The following BLM variants were observed in gnomAD, a reference collection of about 807,000 sequenced individuals.
BLM encodes BLM RecQ like helicase, also known as recQ-like DNA helicase BLM.
Under a neutral mutation model 135.3 loss-of-function variants are expected in BLM, and 95 were observed. The ratio of observed to expected loss-of-function variants is 0.70; its 90% confidence interval spans 0.59 to 0.83. The LOEUF (loss-of-function observed/expected upper bound fraction) is 0.83. Among genes scored for constraint, BLM ranks in the 40% least tolerant of loss-of-function variants. The pLI, the probability that BLM is intolerant of heterozygous loss-of-function variation, is 0.00. For missense variants in BLM, 1,518 were observed against 1,663.9 expected (o/e 0.91, Z 1.53); for synonymous variants, 520 against 589.2 (o/e 0.88, Z 1.70).
At chr15:90,789,654 A>G (rs1280375288) in intron 14 of BLM, among the ~76,000 whole-genome samples, 1 of 152,096 alleles carries the variant, frequency 6.6e-6, no homozygotes, top group Non-Finnish European at 1.5e-5. Context: ...TACTGTCCAC[A>G]TACTCCAGAG....
At position 90,735,762 on chromosome 15, in the gene BLM, G is replaced by A. The variant is rs546902997; in HGVS notation, c.-4-11627G>A. Among the ~76,000 whole-genome samples the A allele has an allele frequency of 6.6e-5, 10 of 152,038 alleles. No homozygotes were observed. The South Asian group carries it at 1.7e-3, about 25-fold the overall frequency. The stretch of plus-strand genomic sequence containing the variant: ...TTTTCTGTAACCTGGATGTGGAGAA[G>A]GGCAATAAAAGAGGGGGAAAAATTG... On this transcript the variant is annotated intron_variant, in intron 1 of 21. Transcript: ENST00000355112.
chr15:90,796,111 A>T (rs1345876738), intron 16 of BLM, among the ~76,000 whole-genome samples: 1 of 152,222 alleles, frequency 6.6e-6, no homozygotes, highest in Non-Finnish European at 1.5e-5. Flanking sequence ...TGAGGGCTAG[A>T]GTCCCAGAGT....
chr15:90,785,054 G>A lies in BLM; in HGVS notation c.2796G>A (p.Gln932=), dbSNP rs55691621. The change falls in exon 14 of 22, where the codon CAG becomes CAA. Residue 932 remains glutamine, a synonymous_variant. Coordinates refer to ENST00000355112, the MANE Select transcript of BLM (RefSeq NM_000057.4). ...LSDSARDEVQ[Q]KWINQDGCQV... ...ATTCTGCCAGAGATGAAGTGCAGCA[G>A]AAGTGGATTAATCAGGATGGCTGTC... is the stretch of plus-strand genomic sequence containing the variant. 6.2e-7 allele frequency: 1 copy of A among 1,614,158 alleles called. No homozygotes were observed.
At chr15:90,770,888 T>C (rs1896295013) in intron 12 of BLM, among the ~76,000 whole-genome samples, 1 of 152,236 alleles carries the variant, frequency 6.6e-6, no homozygotes, top group Non-Finnish European at 1.5e-5. Context: ...CTTTTGCAGG[T>C]TAAACTGGCA....
chr15:90,734,700 GAGAGA>G lies in BLM; in HGVS notation c.-4-12688_-4-12684del, dbSNP rs1318813923. ...GCACACACACACACACACACGCAGA[GAGAGA>G]GAGAGAGAGAGAGAGAGAGAGAGAG... On this transcript the variant is annotated intron_variant, in intron 1 of 21. Coordinates refer to ENST00000355112, the MANE Select transcript of BLM (RefSeq NM_000057.4). 6.7e-4 allele frequency among the ~76,000 whole-genome samples: 38 copies of G among 56,884 alleles called. 1 individual carries two copies. In the African/African-American group the frequency reaches 6.7e-3, roughly 10 times the overall value. 37.3% of individuals were successfully genotyped at this position (56,884 alleles called of 152,430 possible).
At chr15:90,784,122 AT>A (rs985896511) in intron 13 of BLM, among the ~76,000 whole-genome samples, 2 of 151,940 alleles carry the variant, frequency 1.3e-5, no homozygotes, top group African/African-American at 4.8e-5. Flanking sequence ...AGTATATTTT[AT>A]TTCACAGTTC....
chr15:90,791,901 A>C (rs1896913889), intron 15 of BLM, among the ~76,000 whole-genome samples: 1 of 152,036 alleles, frequency 6.6e-6, no homozygotes. Flanking sequence ...CAGCCTCCCA[A>C]AGTGTTGGGA....
chr15:90,800,253 T>G (rs28533613), intron 17 of BLM, among the ~76,000 whole-genome samples: 9 of 152,194 alleles, frequency 5.9e-5, no homozygotes, highest in African/African-American at 2.2e-4. Flanking sequence ...TCAGCAATCC[T>G]GGAGACTAGC....
intron 12 of BLM, among the ~76,000 whole-genome samples, chr15:90,775,855 TTTTGTTTG>T (rs144657227): frequency 6.6e-6 from 1 of 151,946 alleles, no homozygotes; most frequent in Non-Finnish European, 1.5e-5. Flanking sequence ...GAGATAGGCC[TTTTGTTTG>T]TTTGTTTGTT....
chr15:90,749,230 C>A, intron 2 of BLM, 137 bp from the exon 3 acceptor site: 2 of 646,228 alleles, frequency 3.1e-6, no homozygotes, highest in East Asian at 2.8e-5. Context: ...AATTTAAAAT[C>A]GAGAGAGATG....
intron 1 of BLM, among the ~76,000 whole-genome samples, chr15:90,722,620 T>C (rs1894800251): frequency 6.6e-6 from 1 of 152,102 alleles, no homozygotes. Flanking sequence ...TAAAAAAAGT[T>C]ACATAATTTA....
At chr15:90,730,730 G>T (rs181903304) in intron 1 of BLM, among the ~76,000 whole-genome samples, 1 of 152,278 alleles carries the variant, frequency 6.6e-6, no homozygotes, top group Admixed American at 6.5e-5. Flanking sequence ...ACAGGTATGA[G>T]CCACCATGCC....
At position 90,815,687 on chromosome 15, in the gene BLM, A is replaced by G. The variant is rs188930911; in HGVS notation, c.*408A>G. The stretch of plus-strand genomic sequence containing the variant: ...AAGAGGAGAAAATATATTACAAAGG[A>G]TTAGTATCCATCATACCAAATACCC... On this transcript the variant is annotated 3_prime_UTR_variant, in exon 22 of 22. Coordinates refer to ENST00000355112, the MANE Select transcript of BLM (RefSeq NM_000057.4). The surrounding 1 kb of genome is among the most constrained non-coding windows in gnomAD (Gnocchi z 4.6). 1.2e-4 allele frequency: 31 copies of G among 255,324 alleles called. No individual in the cohort carries two copies. The Admixed American group carries it at 1.4e-3, about 12-fold the overall frequency. 15.8% of individuals were successfully genotyped at this position (255,324 alleles called of 1,614,324 possible).
chr15:90,744,886 CCAAAAATA>C (rs1895460549), intron 1 of BLM, among the ~76,000 whole-genome samples: 1 of 151,660 alleles, frequency 6.6e-6, no homozygotes, highest in African/African-American at 2.4e-5. Context: ...CCCATCTCTA[CCAAAAATA>C]CAAAAAAATT....
At chr15:90,785,278 A>G (rs1896718153) in intron 14 of BLM, among the ~76,000 whole-genome samples, 197 bp downstream of exon 14, 1 of 152,194 alleles carries the variant, frequency 6.6e-6, no homozygotes, top group South Asian at 2.1e-4. Context: ...TTGAGATATA[A>G]TTCACATATC....
At chr15:90,750,544 A>G (rs780835763) in intron 3 of BLM, among the ~76,000 whole-genome samples, 24 of 152,170 alleles carry the variant, frequency 1.6e-4, no homozygotes, top group Non-Finnish European at 3.5e-4. Flanking sequence ...ACTATACTCA[A>G]AACAGCTTGA....
At chr15:90,782,656 C>T (rs1011124110) in intron 12 of BLM, among the ~76,000 whole-genome samples, 166 bp from the exon 13 acceptor site, 6 of 152,122 alleles carry the variant, frequency 3.9e-5, no homozygotes, top group African/African-American at 1.4e-4. Context: ...GCACTTATCT[C>T]ATTCATAACT....
chr15:90,781,098 C>T (rs185978665), intron 12 of BLM, among the ~76,000 whole-genome samples: 22 of 152,080 alleles, frequency 1.4e-4, no homozygotes, highest in Admixed American at 5.2e-4. Context: ...AGGAAGTGGG[C>T]GGGAGGAAAT....
chr15:90,737,378 A>T (rs573472385), intron 1 of BLM, among the ~76,000 whole-genome samples: 1 of 152,200 alleles, frequency 6.6e-6, no homozygotes, highest in Non-Finnish European at 1.5e-5. Context: ...AGGGCCTAGG[A>T]GCAATGATAT....
Sources: allele counts gnomAD v4.1 joint callset (sites outside exome capture counted in the v4.1 genomes callset), GRCh38; gene constraint gnomAD v4.1.1; non-coding constraint Gnocchi (gnomAD v3.1); transcripts MANE v1.5; gene names NCBI Gene and HGNC (gene_info 2026-07-23, HGNC 2026-07-21).